Variants in TATDN1 observed in about 807,000 individuals in gnomAD.
The protein encoded by TATDN1 is TatD DNase domain containing 1.
In TATDN1, 40 loss-of-function variants were observed where a neutral mutation model predicts 46.4. The observed-to-expected ratio is 0.86, with a 90% CI of 0.67 to 1.12. The LOEUF (loss-of-function observed/expected upper bound fraction) is 1.12. Among genes scored for constraint, TATDN1 ranks in the 50% most tolerant of loss-of-function variants. The pLI, the probability that TATDN1 is intolerant of heterozygous loss-of-function variation, is 0.00. For missense variants in TATDN1, 326 were observed against 348.4 expected (o/e 0.94, Z 0.51); for synonymous variants, 95 against 105.6 (o/e 0.90, Z 0.62).
Position 124,495,549 on chromosome 8 carries a change from A to T in TATDN1, c.594-7T>A. ...AGCTTCAGTTTTCAGTGAGCTTAAAAAAAAGTGTATATTTATTTTAAAAGG... is the reference window on the plus strand; with the variant it reads ...AGCTTCAGTTTTCAGTGAGCTTAAATAAAAGTGTATATTTATTTTAAAAGG... On this transcript the variant is annotated splice_polypyrimidine_tract_variant and splice_region_variant and intron_variant, in intron 9 of 11. Coordinates refer to ENST00000276692, the MANE Select transcript of TATDN1 (RefSeq NM_032026.4). 1 of 1,588,620 alleles carries T rather than the reference A, an allele frequency of 6.3e-7. No individual in the cohort carries two copies.
In TATDN1 at chr8:124,508,513, G is replaced by A; in HGVS notation, c.477C>T (p.Asp159=). 1 of 1,612,598 alleles carries A rather than the reference G, an allele frequency of 6.2e-7. No individual in the cohort carries two copies. The highest frequency in any genetic ancestry group is 1.1e-5 in the South Asian group (1 of 90,912). Residue 159 remains aspartate (D), a splice_region_variant and synonymous_variant, in exon 8 of 12, where the codon GAC becomes GAT. Transcript: ENST00000276692. ...HCRNSHAEFL[D]IMKRNRDRCV... is the part of the protein sequence containing the mutation. Reference sequence around the variant, plus strand: ...ACCGATCTCTATTTCTTTTCATTATGTCTGTGAATTAAAAACAAAGAACTT... The same window carrying A: ...ACCGATCTCTATTTCTTTTCATTATATCTGTGAATTAAAAACAAAGAACTT...
intron 1 of TATDN1, among the ~76,000 whole-genome samples, chr8:124,533,761 T>C (rs1185197033): frequency 6.6e-6 from 1 of 151,796 alleles, no homozygotes; most frequent in African/African-American, 2.4e-5. Context: ...TCGAGGGGGG[T>C]TCTGTTCAGC....
chr8:124,534,303 T>C (rs569740501), intron 1 of TATDN1, among the ~76,000 whole-genome samples: 54 of 152,276 alleles, frequency 3.5e-4, no homozygotes, highest in African/African-American at 1.2e-3. Context: ...AAGAATATTT[T>C]GTGACACATC....
chr8:124,515,091 G>A (rs766404756), intron 6 of TATDN1, among the ~76,000 whole-genome samples: 3 of 152,152 alleles, frequency 2.0e-5, no homozygotes, highest in Non-Finnish European at 4.4e-5. Context: ...TGCCTGGCTT[G>A]TAATACACTT....
intron 9 of TATDN1, among the ~76,000 whole-genome samples, chr8:124,495,952 C>T (rs1297193062): frequency 6.6e-6 from 1 of 152,222 alleles, no homozygotes; most frequent in Non-Finnish European, 1.5e-5. Flanking sequence ...TATGTATCTG[C>T]ACCCTTGCCA....
At chr8:124,503,926 T>C in intron 9 of TATDN1, 1 of 1,300,390 alleles carries the variant, frequency 7.7e-7, no homozygotes, top group Non-Finnish European at 1.0e-6. Flanking sequence ...CATAGTCAGA[T>C]ATGACGTGTA....
At chr8:124,532,091 A>G (rs904717323) in intron 1 of TATDN1, among the ~76,000 whole-genome samples, 1 of 151,596 alleles carries the variant, frequency 6.6e-6, no homozygotes, top group Non-Finnish European at 1.5e-5. Context: ...GGGGGGGAGG[A>G]GGAGGAGGAG....
chr8:124,518,478 C>T (rs1416117471), intron 4 of TATDN1, among the ~76,000 whole-genome samples: 1 of 149,022 alleles, frequency 6.7e-6, no homozygotes, highest in African/African-American at 2.5e-5. Context: ...GAGCCGAGAT[C>T]GCACCACTGC....
In TATDN1 at chr8:124,499,914, G is replaced by A. The variant is rs1009217590; in HGVS notation, c.593+4357C>T. Among the ~76,000 whole-genome samples the A allele has an allele frequency of 1.4e-4, 21 of 149,480 alleles. 1 individual carries two copies. Among genetic ancestry groups the A allele is most frequent in the Middle Eastern group, 3.2e-3 (1 of 310 alleles). ...GGCTGGAGTGCAGTGGCATGATTTCGGCTCACTGAAACCTCCGCCTCCTGG... is the reference window on the plus strand; with the variant it reads ...GGCTGGAGTGCAGTGGCATGATTTCAGCTCACTGAAACCTCCGCCTCCTGG... On this transcript the variant is annotated intron_variant, in intron 9 of 11. Transcript: ENST00000276692.
At chr8:124,498,458 C>G (rs1411844807) in intron 9 of TATDN1, among the ~76,000 whole-genome samples, 1 of 132,834 alleles carries the variant, frequency 7.5e-6, no homozygotes, top group African/African-American at 2.8e-5. Flanking sequence ...TGCTTTTGTC[C>G]TCTATGCACA....
At chr8:124,523,106 A>T in intron 1 of TATDN1, 104 bp from the exon 2 acceptor site, 1 of 918,154 alleles carries the variant, frequency 1.1e-6, no homozygotes, top group South Asian at 1.4e-5. Flanking sequence ...ACACTCATCT[A>T]CTCAAACAAT....
Position 124,503,913 on chromosome 8 carries a change from G to A in TATDN1, c.593+358C>T, listed in dbSNP as rs762957204. The A allele has an allele frequency of 1.4e-5, 18 of 1,294,508 alleles. No individual in the cohort carries two copies. In the East Asian group the frequency reaches 3.3e-4, roughly 24 times the overall value. 80.2% of individuals were successfully genotyped at this position (1,294,508 alleles called of 1,614,324 possible). ...ATGACTGTCACAGAATAAACCGTTC[G>A]TCCATAGTCAGATATGACGTGTATA... On this transcript the variant is annotated intron_variant, in intron 9 of 11. Transcript: ENST00000276692.
rs1394445777 is a variant in TATDN1 at position 124,488,531 on chromosome 8, ACTAT to A, written c.*59_*62del. ...ACTTGCAGATAATTTCTTTATTGAA[ACTAT>A]CAGGAAGTTTTACTATGAAATTTTA... On this transcript the variant is annotated 3_prime_UTR_variant, in exon 12 of 12. Transcript: ENST00000276692. The A allele has an allele frequency of 2.4e-6, 2 of 826,532 alleles. No individual in the cohort carries two copies. Among genetic ancestry groups the A allele is most frequent in the Admixed American group, 4.7e-5 (2 of 42,234 alleles). 51.2% of individuals were successfully genotyped at this position (826,532 alleles called of 1,614,324 possible).
At chr8:124,516,111 A>G in intron 4 of TATDN1, 81 bp from the exon 5 acceptor site, 1 of 1,217,040 alleles carries the variant, frequency 8.2e-7, no homozygotes, top group Non-Finnish European at 1.1e-6. Flanking sequence ...GAGGATATCA[A>G]GTAATTTCAA....
chr8:124,503,879 C>T (rs1259460792), intron 9 of TATDN1: 1 of 1,286,486 alleles, frequency 7.8e-7, no homozygotes, highest in African/African-American at 1.5e-5. Context: ...TCTTTGACTG[C>T]AGAGATGTAT....
intron 1 of TATDN1, among the ~76,000 whole-genome samples, chr8:124,525,387 T>C (rs1474260972): frequency 6.6e-6 from 1 of 152,064 alleles, no homozygotes; most frequent in African/African-American, 2.4e-5. Context: ...CCTCAGGAGC[T>C]CCACCCACCT....
intron 3 of TATDN1, chr8:124,521,923 T>G: frequency 2.8e-6 from 1 of 359,558 alleles, no homozygotes; most frequent in Non-Finnish European, 4.9e-6. Context: ...TCAAGGAGCT[T>G]TTGCCATTTA....
At chr8:124,499,241 C>T (rs1442661748) in intron 9 of TATDN1, among the ~76,000 whole-genome samples, 2 of 152,004 alleles carry the variant, frequency 1.3e-5, no homozygotes, top group Non-Finnish European at 2.9e-5. Flanking sequence ...TCTAGAAAAA[C>T]AAAATTCTTA....
At chr8:124,529,575 G>C (rs961656060) in intron 1 of TATDN1, among the ~76,000 whole-genome samples, 2 of 152,176 alleles carry the variant, frequency 1.3e-5, no homozygotes, top group African/African-American at 4.8e-5. Flanking sequence ...AGCCTGAATG[G>C]GGGGCACAAG....
Sources: allele counts gnomAD v4.1 joint callset (sites outside exome capture counted in the v4.1 genomes callset), GRCh38; gene constraint gnomAD v4.1.1; transcripts MANE v1.5; gene names NCBI Gene and HGNC (gene_info 2026-07-23, HGNC 2026-07-21).